Variants in PPM1H observed in about 807,000 individuals in gnomAD.
PPM1H encodes protein phosphatase, Mg2+/Mn2+ dependent 1H, also known as protein phosphatase 1H.
Under a neutral mutation model 54.9 loss-of-function variants are expected in PPM1H, and 27 were observed. That is an observed-to-expected ratio of 0.49 (90% CI 0.36 to 0.68). The LOEUF (loss-of-function observed/expected upper bound fraction) is 0.68, where lower values mean the gene tolerates loss of function less well. PPM1H is among the 30% of genes least tolerant of loss of function. The pLI is 0.00. For missense variants in PPM1H, 596 were observed against 667.8 expected (o/e 0.89, Z 1.19); for synonymous variants, 305 against 270.8 (o/e 1.13, Z -1.24).
At chr12:62,817,152 T>TAAAAA (rs2076873724) in intron 2 of PPM1H, among the ~76,000 whole-genome samples, 9 of 63,106 alleles carry the variant, frequency 1.4e-4, no homozygotes, top group South Asian at 6.0e-4. Context: ...AAAAAAAAAC[T>TAAAAA]AAAAAAAAGA....
chr12:62,705,051 C>T (rs562898003), intron 6 of PPM1H, among the ~76,000 whole-genome samples: 4 of 152,322 alleles, frequency 2.6e-5, no homozygotes, highest in African/African-American at 9.6e-5. Context: ...TTGGGAGACT[C>T]TACTGGGTTA....
chr12:62,826,277 C>T (rs1415443088), intron 2 of PPM1H, among the ~76,000 whole-genome samples: 1 of 152,172 alleles, frequency 6.6e-6, no homozygotes, highest in African/African-American at 2.4e-5. Flanking sequence ...TGGCGAAACC[C>T]TGTCTCTACT....
At chr12:62,807,559 G>T (rs866284463) in intron 2 of PPM1H, among the ~76,000 whole-genome samples, 3 of 152,168 alleles carry the variant, frequency 2.0e-5, no homozygotes, top group Non-Finnish European at 4.4e-5. Context: ...GGCAGGACAG[G>T]TGTTAGGCCA....
At chr12:62,929,618 C>A (rs763973137) in intron 1 of PPM1H, among the ~76,000 whole-genome samples, 1 of 152,096 alleles carries the variant, frequency 6.6e-6, no homozygotes, top group African/African-American at 2.4e-5. Flanking sequence ...TAAACACCCC[C>A]CTGCATGGTT....
At chr12:62,865,558 T>C (rs990974159) in intron 1 of PPM1H, among the ~76,000 whole-genome samples, 1 of 152,202 alleles carries the variant, frequency 6.6e-6, no homozygotes, top group African/African-American at 2.4e-5. Flanking sequence ...CTCTTCTAGA[T>C]TATTAAAGGT....
At chr12:62,720,367 CA>C (rs2076257121) in intron 5 of PPM1H, 78 bp from the exon 6 acceptor site, 1 of 1,118,566 alleles carries the variant, frequency 8.9e-7, no homozygotes, top group African/African-American at 1.6e-5. Context: ...GGATGTTTTG[CA>C]AATTGAGACA....
At position 62,832,107 on chromosome 12, in the gene PPM1H, G is replaced by T. The variant is rs1244390454; in HGVS notation, c.411+7C>A. On this transcript the variant is annotated splice_region_variant and intron_variant, in intron 2 of 9. Coordinates refer to ENST00000228705, the MANE Select transcript of PPM1H (RefSeq NM_020700.2). ...ACCTGAGAACCAAGGATCGAGAAGG[G>T]TCTTACCGAGTTCTCCTTCAGCTGC... 1.9e-6 allele frequency: 3 copies of T among 1,613,282 alleles called. No homozygotes were observed. The highest frequency in any genetic ancestry group is 2.2e-5 in the East Asian group (1 of 44,846).
chr12:62,767,757 C>T (rs936203206), intron 4 of PPM1H, among the ~76,000 whole-genome samples: 1 of 152,188 alleles, frequency 6.6e-6, no homozygotes, highest in Non-Finnish European at 1.5e-5. Context: ...AAATCAAAAT[C>T]GTAGGGCCAC....
At chr12:62,881,870 T>C (rs560301650) in intron 1 of PPM1H, among the ~76,000 whole-genome samples, 47 of 152,282 alleles carry the variant, frequency 3.1e-4, no homozygotes, top group African/African-American at 1.0e-3. Flanking sequence ...GGTTTCCCTC[T>C]TCACCAATCC....
rs527431760 is a variant in PPM1H at position 62,792,061 on chromosome 12, G to A, written c.757-3723C>T. ...AAACGTTATGGTGCAAAAAGTCCAC[G>A]TAACAGGGCCGTCCACGGCAACAAA... On this transcript the variant is annotated intron_variant, in intron 3 of 9. Coordinates refer to ENST00000228705, the MANE Select transcript of PPM1H (RefSeq NM_020700.2). Among the ~76,000 whole-genome samples the A allele has an allele frequency of 3.5e-4, 54 of 152,356 alleles. No homozygotes were observed. The East Asian group carries it at 9.8e-3, about 28-fold the overall frequency.
chr12:62,731,533 G>C (rs957253025), intron 5 of PPM1H, among the ~76,000 whole-genome samples: 4 of 152,170 alleles, frequency 2.6e-5, no homozygotes, highest in African/African-American at 9.7e-5. Context: ...GAGCCAAGCA[G>C]CACCAGGGAA....
intron 8 of PPM1H, among the ~76,000 whole-genome samples, chr12:62,668,422 C>CTGGA (rs2075932979): frequency 6.6e-6 from 1 of 152,220 alleles, no homozygotes; most frequent in African/African-American, 2.4e-5. Context: ...GTTGCCCAGG[C>CTGGA]TGGAGTACAG....
intron 8 of PPM1H, among the ~76,000 whole-genome samples, chr12:62,674,632 C>T (rs2075975449): frequency 6.6e-6 from 1 of 152,152 alleles, no homozygotes; most frequent in Non-Finnish European, 1.5e-5. Flanking sequence ...GTTTGAAACC[C>T]ACCTCTGCAT....
intron 5 of PPM1H, among the ~76,000 whole-genome samples, chr12:62,735,553 G>A (rs1482717596): frequency 6.6e-6 from 1 of 152,140 alleles, no homozygotes; most frequent in African/African-American, 2.4e-5. Flanking sequence ...ACAGATACTG[G>A]TTCTATATCT....
chr12:62,774,364 C>A (rs1592592755), intron 4 of PPM1H, among the ~76,000 whole-genome samples: 1 of 151,860 alleles, frequency 6.6e-6, no homozygotes, highest in Admixed American at 6.6e-5. Context: ...TCTTTCTTTC[C>A]TTTTTTGAGA....
Position 62,757,698 on chromosome 12 carries a change from T to A in PPM1H, c.870-20112A>T, listed in dbSNP as rs552075920. ...AAGGCACTTCCTACCATAACACCAC[T>A]CCAGAAAACACTCGGAAGCAGCTCT... is the stretch of plus-strand genomic sequence containing the variant. On this transcript the variant is annotated intron_variant, in intron 4 of 9. Coordinates refer to ENST00000228705, the MANE Select transcript of PPM1H (RefSeq NM_020700.2). 2.6e-5 allele frequency among the ~76,000 whole-genome samples: 4 copies of A among 152,308 alleles called. No homozygotes were observed. In the East Asian group the frequency reaches 7.7e-4, roughly 29 times the overall value.
chr12:62,908,940 T>C (rs1294753753), intron 1 of PPM1H, among the ~76,000 whole-genome samples: 1 of 152,112 alleles, frequency 6.6e-6, no homozygotes. Flanking sequence ...GGATTTGGGA[T>C]TGGAACTTGG....
chr12:62,795,749 CAG>C (rs2076729990), intron 3 of PPM1H, among the ~76,000 whole-genome samples: 2 of 151,554 alleles, frequency 1.3e-5, no homozygotes, highest in Non-Finnish European at 1.5e-5. Context: ...GTTTTTGAGA[CAG>C]AGTCTCGCTC....
chr12:62,867,133 C>T (rs1309155183), intron 1 of PPM1H, among the ~76,000 whole-genome samples: 1 of 152,150 alleles, frequency 6.6e-6, no homozygotes, highest in African/African-American at 2.4e-5. Flanking sequence ...AATTTGTAAC[C>T]TGTCTCCTGA....
Sources: gnomAD v4.1 joint callset for allele counts (sites outside exome capture counted in the v4.1 genomes callset) on GRCh38, gnomAD v4.1.1 for gene constraint, MANE v1.5 for transcripts, NCBI Gene and HGNC (gene_info 2026-07-23, HGNC 2026-07-21) for gene names.